ARB2A: variants seen among roughly 807,000 people sequenced by gnomAD.
ARB2A encodes cotranscriptional regulator ARB2A.
chr5:93,820,747 T>C, the ARB2A span, among the ~76,000 whole-genome samples: 1 of 152,192 alleles, frequency 6.6e-6, no homozygotes, highest in African/African-American at 2.4e-5. Context: ...TATCAATTCA[T>C]GAGATGAAAC....
the ARB2A span, among the ~76,000 whole-genome samples, chr5:93,694,943 A>T: frequency 6.6e-6 from 1 of 152,200 alleles, no homozygotes; most frequent in African/African-American, 2.4e-5. Flanking sequence ...CTGGGAAAGG[A>T]TACCCTATTT....
At chr5:93,886,778 C>T in the ARB2A span, among the ~76,000 whole-genome samples, 1 of 151,596 alleles carries the variant, frequency 6.6e-6, no homozygotes, top group Non-Finnish European at 1.5e-5. Context: ...CACTTGACTC[C>T]GTTTTGTGTT....
At chr5:93,983,170 GGTGTGTGTGTGT>G in the ARB2A span, among the ~76,000 whole-genome samples, 25,904 of 125,362 alleles carry the variant, frequency 0.21, 2,833 homozygotes, top group Non-Finnish European at 0.22. Context: ...GCTGTGGAGA[GGTGTGTGTGTGT>G]GTGTGTGTGT....
chr5:93,673,748 G>C, the ARB2A span, among the ~76,000 whole-genome samples: 1 of 152,150 alleles, frequency 6.6e-6, no homozygotes, highest in Non-Finnish European at 1.5e-5. Context: ...ACAAATTACT[G>C]TAAGTGGGGG....
the ARB2A span, among the ~76,000 whole-genome samples, chr5:93,792,133 G>C: frequency 1.3e-5 from 2 of 152,028 alleles, no homozygotes; most frequent in Non-Finnish European, 2.9e-5. Context: ...AAAAGTAAAA[G>C]GGGTCACTTG....
the ARB2A span, among the ~76,000 whole-genome samples, chr5:93,767,169 C>G: frequency 6.6e-6 from 1 of 152,016 alleles, no homozygotes; most frequent in Non-Finnish European, 1.5e-5. Context: ...TGCACATGTA[C>G]CTTAAAACTT....
the ARB2A span, among the ~76,000 whole-genome samples, chr5:93,676,931 C>T: frequency 6.6e-6 from 1 of 152,102 alleles, no homozygotes; most frequent in Non-Finnish European, 1.5e-5. Flanking sequence ...CGCCATGTCA[C>T]GGTGCCAGAT....
At chr5:93,776,635 T>G in the ARB2A span, among the ~76,000 whole-genome samples, 1 of 151,968 alleles carries the variant, frequency 6.6e-6, no homozygotes, top group Non-Finnish European at 1.5e-5. Context: ...AAAATTAGCC[T>G]GGCGTGGTGG....
the ARB2A span, among the ~76,000 whole-genome samples, chr5:93,699,800 C>T: frequency 1.3e-5 from 2 of 151,500 alleles, no homozygotes; most frequent in East Asian, 3.9e-4. Context: ...AGATGACAGC[C>T]ATTCTAGGTA....
the ARB2A span, among the ~76,000 whole-genome samples, chr5:93,830,176 C>T: frequency 2.0e-5 from 3 of 151,192 alleles, no homozygotes; most frequent in African/African-American, 7.3e-5. Context: ...AGGAAAGTTA[C>T]CAGAGTTTCC....
At chr5:93,729,124 C>T in the ARB2A span, among the ~76,000 whole-genome samples, 1 of 152,024 alleles carries the variant, frequency 6.6e-6, no homozygotes. Context: ...CTGTCTTTCT[C>T]TCTCTCCTCA....
chr5:94,040,870 G>A, the ARB2A span, among the ~76,000 whole-genome samples: 3 of 152,178 alleles, frequency 2.0e-5, no homozygotes, highest in African/African-American at 7.2e-5. Context: ...GATATTGGGT[G>A]CTAAGCAGAG....
At chr5:94,039,079 T>C in the ARB2A span, among the ~76,000 whole-genome samples, 2 of 152,206 alleles carry the variant, frequency 1.3e-5, no homozygotes, top group Non-Finnish European at 2.9e-5. Context: ...TACTAAATTA[T>C]TTCCAGAATT....
At chr5:94,074,538 A>C in the ARB2A span, 1 of 770,376 alleles carries the variant, frequency 1.3e-6, no homozygotes, top group Non-Finnish European at 2.1e-6. Context: ...TACTTTAGGT[A>C]CTTATATTCT....
At chr5:93,927,061 T>C in the ARB2A span, among the ~76,000 whole-genome samples, 2,826 of 150,552 alleles carry the variant, frequency 0.019, 44 homozygotes, top group Non-Finnish European at 0.029. Flanking sequence ...AAATCCTCTC[T>C]AAGAAACAAA....
chr5:93,624,798 T>G, the ARB2A span, among the ~76,000 whole-genome samples: 3 of 152,210 alleles, frequency 2.0e-5, no homozygotes, highest in Admixed American at 2.0e-4. Flanking sequence ...GCATCCCACA[T>G]GATTTTCAAA....
the ARB2A span, among the ~76,000 whole-genome samples, chr5:94,111,123 G>A: frequency 6.6e-6 from 1 of 152,136 alleles, no homozygotes; most frequent in South Asian, 2.1e-4. Flanking sequence ...AATGACTTCT[G>A]GTAAAGCGCT....
At chr5:93,949,175 T>C in the ARB2A span, among the ~76,000 whole-genome samples, 1 of 152,068 alleles carries the variant, frequency 6.6e-6, no homozygotes, top group Non-Finnish European at 1.5e-5. Flanking sequence ...TTTTTGTACG[T>C]ACCTAGGTGT....
At chr5:93,715,885 T>C in the ARB2A span, among the ~76,000 whole-genome samples, 12 of 152,356 alleles carry the variant, frequency 7.9e-5, no homozygotes, top group South Asian at 2.5e-3. Context: ...CATTATCACA[T>C]GTACACAATA....
Sources: allele counts gnomAD v4.1 joint callset (sites outside exome capture counted in the v4.1 genomes callset), GRCh38; gene constraint gnomAD v4.1.1; transcripts MANE v1.5; gene names NCBI Gene and HGNC (gene_info 2026-07-23, HGNC 2026-07-21).